TICRR: variants seen among roughly 807,000 people sequenced by gnomAD.
TICRR encodes treslin.
TICRR carries 132 observed loss-of-function variants against 178.1 expected under a neutral mutation model. The ratio of observed to expected loss-of-function variants is 0.74; its 90% CI spans 0.64 to 0.86. The LOEUF (loss-of-function observed/expected upper bound fraction) is 0.86. Ranked by LOEUF, TICRR falls within the 40% of genes least tolerant of loss-of-function variation. TICRR has a pLI of 0.00. For missense variants in TICRR, 2,587 were observed against 2,334.3 expected, an observed-to-expected ratio of 1.11 and a Z score of -2.23; for synonymous variants, 991 against 900.7, an observed-to-expected ratio of 1.10 and a Z score of -1.79.
intron 4 of TICRR, among the ~76,000 whole-genome samples, chr15:89,591,080 T>G (rs921374911): frequency 1.3e-5 from 2 of 152,226 alleles, no homozygotes; most frequent in African/African-American, 4.8e-5. Flanking sequence ...AACTGTGATA[T>G]TCTGCAGTTT....
chr15:89,594,292 G>T (rs1416898802), intron 5 of TICRR, 123 bp from the exon 6 acceptor site: 2 of 735,382 alleles, frequency 2.7e-6, no homozygotes, highest in Non-Finnish European at 4.2e-6. Flanking sequence ...TATTTTTGAA[G>T]GCATCTTGTG....
intron 1 of TICRR, among the ~76,000 whole-genome samples, chr15:89,580,667 A>G (rs1242150599): frequency 6.6e-6 from 1 of 152,142 alleles, no homozygotes; most frequent in African/African-American, 2.4e-5. Context: ...GTTTGTTTTT[A>G]ATGCTGATCA....
At chr15:89,621,722 C>G (rs1355019072) in intron 19 of TICRR, among the ~76,000 whole-genome samples, 172 bp downstream of exon 19, 1 of 152,136 alleles carries the variant, frequency 6.6e-6, no homozygotes, top group Admixed American at 6.5e-5. Context: ...GTGGGAACTT[C>G]AAGCAGCAGG....
intron 21 of TICRR, 60 bp downstream of exon 21, chr15:89,626,121 G>A: frequency 6.3e-7 from 1 of 1,587,878 alleles, no homozygotes; most frequent in Non-Finnish European, 8.6e-7. Context: ...ATTCACCAGG[G>A]TTGCCAGGCA....
rs1302873022 is a variant in TICRR, at chr15:89,625,030, C to A, written c.4720C>A (p.Arg1574=). ...EMQASGLPKL[R]IKKIDPSSSL... is the part of the protein sequence containing the mutation. ...GCAAGCTTCTGGCCTTCCCAAACTT[C>A]GAATTAAGAAGATAGACCCCAGCTC... Residue 1574 remains arginine, a synonymous_variant, in exon 20 of 22, where the codon CGA becomes AGA. Transcript: ENST00000268138. 11 of 1,613,906 alleles carry A rather than the reference C, an allele frequency of 6.8e-6. No homozygotes were observed. The highest frequency in any genetic ancestry group is 9.3e-6 in the Non-Finnish European group (11 of 1,180,034).
intron 2 of TICRR, 72 bp from the exon 3 acceptor site, chr15:89,584,214 C>T: frequency 6.4e-6 from 9 of 1,396,748 alleles, no homozygotes; most frequent in South Asian, 1.5e-5. Context: ...GTATCTATTC[C>T]TTATATTGGA....
At position 89,627,526 on chromosome 15, in the gene TICRR, T is replaced by TGAA. The variant is rs1430683214; in HGVS notation, c.*443_*445dup. On this transcript the variant is annotated 3_prime_UTR_variant, in exon 22 of 22. Coordinates refer to ENST00000268138, the MANE Select transcript of TICRR (RefSeq NM_152259.4). ...AACTGTGAAGCCATATACGTGAAAC[T>TGAA]GAAGAGTGCATTGGGCAGTGGAAGC... is the stretch of plus-strand genomic sequence containing the variant. 7.7e-5 allele frequency: 13 copies of TGAA among 169,112 alleles called. No individual in the cohort carries two copies. Among genetic ancestry groups the TGAA allele is most frequent in the African/African-American group, 2.4e-4 (10 of 41,918 alleles). The allele number at this position is 169,112 out of a possible 1,614,324, so 10.5% of individuals were successfully genotyped here. A position where few individuals can be genotyped will look rare whatever the true frequency, so the allele number is the denominator to read the frequency against.
In TICRR at chr15:89,624,233, C is replaced by T; in HGVS notation, c.3923C>T (p.Pro1308Leu). Residue 1308 changes from proline (P) to leucine (L), a missense_variant, in exon 20 of 22, where the codon CCA becomes CTA. Coordinates refer to ENST00000268138, the MANE Select transcript of TICRR (RefSeq NM_152259.4). ...GTGACTTCTTCCCCACCTGTTACGCCAAAGAAACTGTTTACCTCTCCTTTA... is the reference window on the plus strand; with the variant it reads ...GTGACTTCTTCCCCACCTGTTACGCTAAAGAAACTGTTTACCTCTCCTTTA... ...STVTSSPPVTPKKLFTSPLCD... is the reference protein window; with the variant it reads ...STVTSSPPVTLKKLFTSPLCD... 1 of 1,614,176 alleles carries T rather than the reference C, an allele frequency of 6.2e-7. No individual in the cohort carries two copies. The highest frequency in any genetic ancestry group is 8.5e-7 in the Non-Finnish European group (1 of 1,180,040).
chr15:89,595,310 A>T, intron 6 of TICRR, 83 bp from the exon 7 acceptor site: 1 of 953,124 alleles, frequency 1.0e-6, no homozygotes, highest in Non-Finnish European at 1.6e-6. Flanking sequence ...ATATTCTTTC[A>T]CAGTAATCTG....
intron 5 of TICRR, 96 bp downstream of exon 5, chr15:89,592,272 T>C (rs951365645): frequency 2.0e-6 from 2 of 984,322 alleles, no homozygotes; most frequent in African/African-American, 3.2e-5. Flanking sequence ...CTGAGTATAG[T>C]CTAATAATAT....
chr15:89,609,171 C>T (rs1303038905), intron 15 of TICRR, among the ~76,000 whole-genome samples: 1 of 118,076 alleles, frequency 8.5e-6, no homozygotes, highest in Non-Finnish European at 1.6e-5. Context: ...AGTGCAGTGG[C>T]GCAATCTCAG....
chr15:89,592,572 G>A (rs1203830326), intron 5 of TICRR, among the ~76,000 whole-genome samples: 1 of 152,092 alleles, frequency 6.6e-6, no homozygotes, highest in Non-Finnish European at 1.5e-5. Flanking sequence ...GTTAACAACC[G>A]ATTACTAAGA....
At chr15:89,590,740 T>A (rs1962897606) in intron 4 of TICRR, among the ~76,000 whole-genome samples, 1 of 152,224 alleles carries the variant, frequency 6.6e-6, no homozygotes, top group African/African-American at 2.4e-5. Flanking sequence ...GATCTACTCT[T>A]CCTATACTGG....
In TICRR at chr15:89,625,218, G is replaced by A; in HGVS notation, c.4908G>A (p.Lys1636=). 3.1e-6 allele frequency: 5 copies of A among 1,613,680 alleles called. No individual in the cohort carries two copies. The highest frequency in any genetic ancestry group is 2.2e-5 in the East Asian group (1 of 44,862). ...CPRLSHSTPG[K]SRGQTYICQA... is the part of the protein sequence containing the mutation. Reference sequence around the variant, plus strand: ...GCCTCTCCCACAGCACACCTGGCAAGAGCAGGGGGCAAACCTACATCTGCC... The same window carrying A: ...GCCTCTCCCACAGCACACCTGGCAAAAGCAGGGGGCAAACCTACATCTGCC... The change falls in exon 20 of 22, where the codon AAG becomes AAA. Residue 1636 remains lysine (K), a synonymous_variant. Transcript: ENST00000268138.
chr15:89,627,013 T>C lies in TICRR; in HGVS notation c.5660T>C (p.Phe1887Ser), dbSNP rs745581737. 9 of 1,614,094 alleles carry C rather than the reference T, an allele frequency of 5.6e-6. No individual in the cohort carries two copies. The highest frequency in any genetic ancestry group is 2.2e-5 in the East Asian group (1 of 44,870). Residue 1887 changes from phenylalanine to serine, a missense_variant, in exon 22 of 22, where the codon TTC (phenylalanine) becomes TCC (serine). By Grantham distance (155) the Phe-to-Ser change is radical. Coordinates refer to ENST00000268138, the MANE Select transcript of TICRR (RefSeq NM_152259.4). ...TVEDSPFSRA[F>S]SRRRPISRTY... ...GAAGACTCTCCTTTCAGTCGCGCTT[T>C]CTCCAGGAGGCGCCCCATCAGCAGA...
chr15:89,578,899 G>A (rs1962672155), intron 1 of TICRR, among the ~76,000 whole-genome samples: 1 of 152,154 alleles, frequency 6.6e-6, no homozygotes, highest in Admixed American at 6.5e-5. Context: ...CAAAAGGAAG[G>A]TTTGGGCTGT....
intron 1 of TICRR, among the ~76,000 whole-genome samples, chr15:89,579,113 GAC>G (rs1182317692): frequency 6.6e-6 from 1 of 152,140 alleles, no homozygotes; most frequent in Admixed American, 6.5e-5. Context: ...AGAGACCTCT[GAC>G]ACATTTTCAA....
In TICRR at chr15:89,627,222, C is replaced by CTAAT. The variant is rs150411759; in HGVS notation, c.*138_*141dup. The CTAAT allele has an allele frequency of 3.9e-3, 4,163 of 1,066,952 alleles. 123 individuals are homozygous for CTAAT. The African/African-American group carries it at 0.06, about 15-fold the overall frequency. 66.1% of individuals were successfully genotyped at this position (1,066,952 alleles called of 1,614,324 possible). A position where few individuals can be genotyped will look rare whatever the true frequency, so the allele number is the denominator to read the frequency against. ...TGCCATTAGAATGCCTTAGGGTTTT[C>CTAAT]TAATTCCCCTTATGGATCCAATCCA... On this transcript the variant is annotated 3_prime_UTR_variant, in exon 22 of 22. Coordinates refer to ENST00000268138, the MANE Select transcript of TICRR (RefSeq NM_152259.4).
At chr15:89,610,463 TTG>T (rs1368819352) in intron 15 of TICRR, among the ~76,000 whole-genome samples, 1 of 152,230 alleles carries the variant, frequency 6.6e-6, no homozygotes, top group South Asian at 2.1e-4. Flanking sequence ...GTAATGTACT[TTG>T]TGTTTTGTAA....
Sources: allele counts gnomAD v4.1 joint callset (sites outside exome capture counted in the v4.1 genomes callset), GRCh38; gene constraint gnomAD v4.1.1; transcripts MANE v1.5; gene names NCBI Gene and HGNC (gene_info 2026-07-23, HGNC 2026-07-21).